Variants in PDCD11 observed in about 807,000 individuals in gnomAD.
The protein encoded by PDCD11 is protein RRP5 homolog.
In PDCD11, 97 loss-of-function variants were observed where a neutral mutation model predicts 198.9. The observed-to-expected ratio is 0.49, with a 90% CI of 0.41 to 0.58. PDCD11 has a LOEUF of 0.58. Among genes scored for constraint, PDCD11 ranks in the 20% least tolerant of loss-of-function variants. PDCD11 has a pLI of 0.00. For missense variants in PDCD11, 2,102 were observed against 2,312.7 expected (o/e 0.91, Z 1.87); for synonymous variants, 893 against 918.0 (o/e 0.97, Z 0.49).
rs1334459036 is a variant in PDCD11, at chr10:103,406,118, A to G, written c.688+10A>G. 3 of 1,613,856 alleles carry G rather than the reference A, an allele frequency of 1.9e-6. No homozygotes were observed. The highest frequency in any genetic ancestry group is 1.3e-5 in the African/African-American group (1 of 74,930). ...AGACAGAAGAACAAAGGTGAGGGCA[A>G]GAAAAGGGGCCAGTACATGGTGGTG... On this transcript the variant is annotated intron_variant, in intron 6 of 35. Transcript: ENST00000369797.
chr10:103,441,887 A>G lies in PDCD11; in HGVS notation c.4619A>G (p.Asn1540Ser), dbSNP rs1416293855. The G allele has an allele frequency of 1.9e-6, 3 of 1,614,038 alleles. No individual in the cohort carries two copies. The highest frequency in any genetic ancestry group is 1.1e-5 in the South Asian group (1 of 91,084). Residue 1540 changes from asparagine to serine, a missense_variant, in exon 31 of 36, where the codon AAT becomes AGT. By Grantham distance (46) the Asn-to-Ser change is conservative (BLOSUM62 1). Coordinates refer to ENST00000369797, the MANE Select transcript of PDCD11 (RefSeq NM_014976.2). ...CAGCTGTCTTCAGGCTTCGCTTGGA[A>G]TGTGGGACTAGACTCTCTGACCCCG... is the stretch of plus-strand genomic sequence containing the variant. ...RLQLSSGFAW[N>S]VGLDSLTPAL...
In PDCD11 at chr10:103,434,301, C is replaced by A. The variant is rs200479386; in HGVS notation, c.3618C>A (p.Thr1206=). Residue 1206 remains threonine, a synonymous_variant, in exon 24 of 36, where the codon ACC becomes ACA. Transcript: ENST00000369797. ...KFRVGQALRA[T]VVGPDSSKTL... ...GGGTTGGCCAGGCCCTGAGGGCCAC[C>A]GTTGTTGGCCCAGATTCCTCCAAGA... 6.2e-7 allele frequency: 1 copy of A among 1,613,712 alleles called. No individual in the cohort carries two copies. Among genetic ancestry groups the A allele is most frequent in the South Asian group, 1.1e-5 (1 of 91,070 alleles).
chr10:103,434,088 G>T, intron 23 of PDCD11, 51 bp downstream of exon 23: 12 of 1,444,536 alleles, frequency 8.3e-6, no homozygotes, highest in South Asian at 1.1e-5. Context: ...CCTAAGCTTG[G>T]CCCAGTGCCT....
rs2271750 is a variant in PDCD11, at chr10:103,415,112, G to C, written c.1479G>C (p.Pro493=). ...TGGCTGACATCCTGATGAAGAATCC[G>C]GAGAAGAAGTACCACATCGGGGATG... ...MHLADILMKN[P]EKKYHIGDEV... The change falls in exon 12 of 36, where the codon CCG becomes CCC. Residue 493 remains proline, a synonymous_variant. Transcript: ENST00000369797. 5.6e-6 allele frequency: 9 copies of C among 1,613,902 alleles called. No individual in the cohort carries two copies. The highest frequency in any genetic ancestry group is 7.6e-6 in the Non-Finnish European group (9 of 1,179,994).
Position 103,425,523 on chromosome 10 carries a change from C to A in PDCD11, c.3303C>A (p.Phe1101Leu). The A allele has an allele frequency of 6.2e-7, 1 of 1,604,282 alleles. No individual in the cohort carries two copies. Among genetic ancestry groups the A allele is most frequent in the Non-Finnish European group, 8.5e-7 (1 of 1,172,224 alleles). The change falls in exon 20 of 36, where the codon TTC becomes TTA. Residue 1101 changes from phenylalanine (F) to leucine (L), a missense_variant and splice_region_variant. By Grantham distance (22) the Phe-to-Leu change is conservative. Transcript: ENST00000369797. ...RVIGGRDMKT[F>L]KYLPISHPRF... The stretch of plus-strand genomic sequence containing the variant: ...TTGGCGGGCGAGACATGAAGACATT[C>A]AAGTATGGAGGCTCTGGGGGTGGGC...
Position 103,417,920 on chromosome 10 carries a change from T to G in PDCD11, c.1899T>G (p.Ile633Met). Residue 633 changes from isoleucine to methionine, a missense_variant, in exon 14 of 36, where the codon ATT becomes ATG. Physicochemically the swap from Ile to Met is conservative, Grantham distance 10. Transcript: ENST00000369797. ...ACAGTCAGAAGAAAGGAAAAGCCAT[T>G]AACATTGGGCAGGTACGTGGACTTC... ...AGHSQKKGKA[I>M]NIGQLVDVKV... 6.2e-7 allele frequency: 1 copy of G among 1,614,066 alleles called. No homozygotes were observed. Among genetic ancestry groups the G allele is most frequent in the Non-Finnish European group, 8.5e-7 (1 of 1,179,996 alleles).
rs2032350448 is a variant in PDCD11, at chr10:103,440,753, C to T, written c.4460C>T (p.Pro1487Leu). ...TCTCAGGAAAGAGTGAGCAAGAAGC[C>T]AAAGAAAGCCGGCCTGTCAGAGGAG... ...GSEQERVSKK[P>L]KKAGLSEEDD... Residue 1487 changes from proline (P) to leucine (L), a missense_variant, in exon 30 of 36, where the codon CCA becomes CTA. Coordinates refer to ENST00000369797, the MANE Select transcript of PDCD11 (RefSeq NM_014976.2). 9.3e-6 allele frequency: 15 copies of T among 1,613,962 alleles called. No homozygotes were observed. The East Asian group carries it at 3.1e-4, about 34-fold the overall frequency.
chr10:103,432,054 T>C, intron 21 of PDCD11, 75 bp from the exon 22 acceptor site: 1 of 1,144,456 alleles, frequency 8.7e-7, no homozygotes, highest in Non-Finnish European at 1.3e-6. Context: ...CCGTGGCCAC[T>C]TGGGAGAGAT....
chr10:103,399,472 G>A (rs1034699382), intron 2 of PDCD11, among the ~76,000 whole-genome samples: 3 of 152,136 alleles, frequency 2.0e-5, no homozygotes, highest in Non-Finnish European at 4.4e-5. Context: ...AGCCTCCTGA[G>A]TAACTGGAAC....
At chr10:103,433,802 G>T in intron 22 of PDCD11, 146 bp from the exon 23 acceptor site, 2 of 643,924 alleles carry the variant, frequency 3.1e-6, no homozygotes, top group Non-Finnish European at 5.6e-6. Context: ...TGGAGGTTGG[G>T]CAAGGGCAGT....
At chr10:103,427,269 C>A in intron 20 of PDCD11, 60 bp from the exon 21 acceptor site, 1 of 1,461,954 alleles carries the variant, frequency 6.8e-7, no homozygotes, top group Non-Finnish European at 9.6e-7. Context: ...GAAATCCTGA[C>A]CTACAGATTA....
chr10:103,422,606 G>A (rs1184294667), intron 17 of PDCD11, among the ~76,000 whole-genome samples: 1 of 152,022 alleles, frequency 6.6e-6, no homozygotes, highest in Non-Finnish European at 1.5e-5. Context: ...GGACCTGCCA[G>A]GCTTTGTGAG....
At chr10:103,424,908 C>T (rs2031615066) in intron 19 of PDCD11, 76 bp from the exon 20 acceptor site, 9 of 1,540,490 alleles carry the variant, frequency 5.8e-6, no homozygotes, top group Non-Finnish European at 8.0e-6. Flanking sequence ...CTCAGCCACA[C>T]CCTGCCCAGT....
At chr10:103,439,128 CAGG>C (rs1295446889) in intron 27 of PDCD11, among the ~76,000 whole-genome samples, 1 of 152,000 alleles carries the variant, frequency 6.6e-6, no homozygotes, top group Non-Finnish European at 1.5e-5. Flanking sequence ...CTTTGAAGGC[CAGG>C]AGTTCAAGAC....
Position 103,421,551 on chromosome 10 carries a change from C to T in PDCD11, c.2481C>T (p.Ser827=), listed in dbSNP as rs1034548269. 6.4e-7 allele frequency: 1 copy of T among 1,561,930 alleles called. No homozygotes were observed. Among genetic ancestry groups the T allele is most frequent in the African/African-American group, 1.4e-5 (1 of 73,926 alleles). Residue 827 remains serine (S), a synonymous_variant, in exon 17 of 36, where the codon AGC becomes AGT. Coordinates refer to ENST00000369797, the MANE Select transcript of PDCD11 (RefSeq NM_014976.2). ...QCLEELQGVR[S]LMSNRDSVLI... ...TGGAGGAGCTGCAGGGCGTGCGCAG[C>T]CTTATGAGCAACCGAGGTGGGGCAC...
chr10:103,415,239 G>GA, intron 12 of PDCD11, 88 bp downstream of exon 12: 1 of 1,358,800 alleles, frequency 7.4e-7, no homozygotes, highest in South Asian at 1.2e-5. Context: ...TCCACAAAGT[G>GA]AGTGTGTAAT....
rs146747336 is a variant in PDCD11, at chr10:103,442,334, G to A, written c.4829G>A (p.Arg1610Gln). 3.6e-5 allele frequency: 58 copies of A among 1,614,220 alleles called. No homozygotes were observed. The Admixed American group carries it at 8.8e-4, about 25-fold the overall frequency. ...RQPESADDFD[R>Q]LVLSSPNSSI... ...CCAGAGTCCGCGGATGATTTTGACC[G>A]ACTGGTGCTGAGCTCCCCCAACAGC... Residue 1610 changes from arginine to glutamine, a missense_variant, in exon 32 of 36, where the codon CGA (arginine) becomes CAA (glutamine). Transcript: ENST00000369797.
intron 19 of PDCD11, among the ~76,000 whole-genome samples, chr10:103,424,134 C>T (rs1482063836): frequency 6.6e-6 from 1 of 152,158 alleles, no homozygotes; most frequent in Admixed American, 6.5e-5. Flanking sequence ...TTAAAAACAT[C>T]CCATGAGCCA....
At position 103,421,215 on chromosome 10, in the gene PDCD11, G is replaced by A. The variant is rs535667001; in HGVS notation, c.2278-133G>A. 61 of 673,076 alleles carry A rather than the reference G, an allele frequency of 9.1e-5. No individual in the cohort carries two copies. The South Asian group carries it at 1.0e-3, about 11-fold the overall frequency. The allele number at this position is 673,076 out of a possible 1,614,324, so 41.7% of individuals were successfully genotyped here. A position where few individuals can be genotyped will look rare whatever the true frequency, so the allele number is the denominator to read the frequency against. On this transcript the variant is annotated intron_variant, in intron 16 of 35. Transcript: ENST00000369797. The stretch of plus-strand genomic sequence containing the variant: ...TTTTATGGAAGGGAAGTAGAGCTGT[G>A]TTCAGAGAGGGCTTGGGGGAGCTTC...
Sources: allele counts gnomAD v4.1 joint callset (sites outside exome capture counted in the v4.1 genomes callset), GRCh38; gene constraint gnomAD v4.1.1; transcripts MANE v1.5; gene names NCBI Gene and HGNC (gene_info 2026-07-23, HGNC 2026-07-21).